Variants in BRD1 observed in about 807,000 individuals in gnomAD.
BRD1 encodes the protein bromodomain containing 1.
BRD1 carries 24 observed loss-of-function variants against 107.7 expected under a neutral mutation model. That is an observed-to-expected ratio of 0.22 (90% CI 0.16 to 0.31). BRD1 has a LOEUF of 0.31. Among genes scored for constraint, BRD1 ranks in the 10% least tolerant of loss-of-function variants. The pLI is 1.00. For missense variants in BRD1, 1,279 were observed against 1,638.6 expected (o/e 0.78, Z 3.79); for synonymous variants, 744 against 686.1 (o/e 1.08, Z -1.32).
At position 49,804,276 on chromosome 22, in the gene BRD1, C is replaced by G. The variant is rs749324269; in HGVS notation, c.1452G>C (p.Arg484=). Residue 484 remains arginine (R), a synonymous_variant, in exon 3 of 13, where the codon CGG becomes CGC. Coordinates refer to ENST00000404760, the MANE Select transcript of BRD1 (RefSeq NM_001304808.3). ...GCAGGGGGGCCCCGTTCCTGGACAG[C>G]CGCTTGAGCAGCCAGTAGCTGTGGG... is the stretch of plus-strand genomic sequence containing the variant. ...ERAHSYWLLK[R]LSRNGAPLLR... is the part of the protein sequence containing the mutation. 1 of 1,610,132 alleles carries G rather than the reference C, an allele frequency of 6.2e-7. No homozygotes were observed. Among genetic ancestry groups the G allele is most frequent in the Admixed American group, 1.7e-5 (1 of 59,480 alleles).
chr22:49,826,410 C>T, intron 1 of BRD1: 2 of 265,012 alleles, frequency 7.5e-6, no homozygotes, highest in Non-Finnish European at 1.2e-5. Context: ...ACCGCTTCCC[C>T]CCTGGGCCGG....
chr22:49,818,753 G>T (rs1034041424), intron 2 of BRD1, among the ~76,000 whole-genome samples: 2 of 151,962 alleles, frequency 1.3e-5, no homozygotes, highest in African/African-American at 4.8e-5. Context: ...AGGTGTGGTG[G>T]TGGGCGCCTG....
chr22:49,777,682 A>T lies in BRD1; in HGVS notation c.2989T>A (p.Ser997Thr). The part of the protein sequence containing the change: ...ISSSNSPLCD[S>T]SFNAPKCGRG... ...GCGCAGGGCCGCGGTGCCCACCTCG[A>T]GTCGCAGAGCGGGCTGTTGCTGGAG... The change falls in exon 9 of 13, where the codon TCG (serine) becomes ACG (threonine). Residue 997 changes from serine (S) to threonine (T), a missense_variant. By Grantham distance (58) the Ser-to-Thr change is moderately conservative. This residue lies in a region of BRD1 where 263 missense variants were observed against 251.6 expected (regional missense o/e 1.05). Coordinates refer to ENST00000404760, the MANE Select transcript of BRD1 (RefSeq NM_001304808.3). The T allele has an allele frequency of 6.2e-7, 1 of 1,606,378 alleles. No homozygotes were observed.
chr22:49,818,530 G>A (rs1367090953), intron 2 of BRD1: 9 of 322,852 alleles, frequency 2.8e-5, no homozygotes, highest in African/African-American at 4.5e-5. Flanking sequence ...CATGTTAAGG[G>A]AGCCCTAATT....
chr22:49,788,989 A>T (rs2059381429), intron 7 of BRD1, among the ~76,000 whole-genome samples: 1 of 152,236 alleles, frequency 6.6e-6, no homozygotes, highest in African/African-American at 2.4e-5. Flanking sequence ...CAGGACTCAG[A>T]GCAATGTTTT....
chr22:49,820,556 T>C (rs1219787911), intron 2 of BRD1, among the ~76,000 whole-genome samples: 2 of 152,138 alleles, frequency 1.3e-5, no homozygotes, highest in Non-Finnish European at 2.9e-5. Flanking sequence ...CTGTAAGCCA[T>C]GATCACGCCA....
intron 6 of BRD1, among the ~76,000 whole-genome samples, chr22:49,795,139 C>T (rs1379499985): frequency 1.3e-5 from 2 of 152,208 alleles, no homozygotes; most frequent in Non-Finnish European, 2.9e-5. Flanking sequence ...CTTCAAGACT[C>T]GTATCCATAA....
chr22:49,820,753 C>T (rs796419413), intron 2 of BRD1: 18 of 152,494 alleles, frequency 1.2e-4, no homozygotes, highest in African/African-American at 3.8e-4. Context: ...CACAGCAAGG[C>T]AGTAAACCCG....
At chr22:49,800,514 C>G (rs1177827934) in intron 3 of BRD1, among the ~76,000 whole-genome samples, 1 of 152,174 alleles carries the variant, frequency 6.6e-6, no homozygotes, top group African/African-American at 2.4e-5. Flanking sequence ...AAACCTCGGC[C>G]AAAAGGACAT....
Position 49,809,186 on chromosome 22 carries a change from A to C in BRD1, c.1368-4826T>G, listed in dbSNP as rs111778463. 1.2e-3 allele frequency among the ~76,000 whole-genome samples: 185 copies of C among 152,290 alleles called. 1 individual carries two copies. Among genetic ancestry groups the C allele is most frequent in the African/African-American group, 4.3e-3 (177 of 41,564 alleles). ...CAAATCCAAAATAGATCAGTAATCC[A>C]ACATAAGTCAACAGTCTAAAGTTGC... On this transcript the variant is annotated intron_variant, in intron 2 of 12. Coordinates refer to ENST00000404760, the MANE Select transcript of BRD1 (RefSeq NM_001304808.3).
intron 1 of BRD1, chr22:49,825,948 C>T (rs1331021631): frequency 6.5e-6 from 1 of 153,050 alleles, no homozygotes; most frequent in Non-Finnish European, 1.5e-5. Flanking sequence ...TCGGCCAAAC[C>T]TCAGACCCCC....
At chr22:49,802,846 G>C (rs2059667150) in intron 3 of BRD1, among the ~76,000 whole-genome samples, 1 of 152,250 alleles carries the variant, frequency 6.6e-6, no homozygotes, top group Admixed American at 6.5e-5. Context: ...GGAAAGCCAA[G>C]TCACATCATG....
intron 7 of BRD1, 118 bp from the exon 8 acceptor site, chr22:49,788,005 C>T (rs1173712625): frequency 6.8e-6 from 7 of 1,033,600 alleles, no homozygotes; most frequent in East Asian, 5.2e-5. Flanking sequence ...AACAAGGCAT[C>T]GCATGTACTG....
chr22:49,774,045 C>A lies in BRD1; in HGVS notation c.*188G>T. The A allele has an allele frequency of 1.4e-6, 1 of 734,272 alleles. No individual in the cohort carries two copies. Among genetic ancestry groups the A allele is most frequent in the Non-Finnish European group, 2.1e-6 (1 of 475,944 alleles). The allele number at this position is 734,272 out of a possible 1,614,324, so 45.5% of individuals were successfully genotyped here. On this transcript the variant is annotated 3_prime_UTR_variant, in exon 13 of 13. Transcript: ENST00000404760. ...ACGCACTGGGCTGCCCGGACGTGCCCACCCCACTCACAGCGCCCAGACGGA... is the reference window on the plus strand; with the variant it reads ...ACGCACTGGGCTGCCCGGACGTGCCAACCCCACTCACAGCGCCCAGACGGA...
rs755643978 is a variant in BRD1 at position 49,787,450 on chromosome 22, G to C, written c.2797C>G (p.Arg933Gly). 2.5e-5 allele frequency: 41 copies of C among 1,614,078 alleles called. No individual in the cohort carries two copies. Among genetic ancestry groups the C allele is most frequent in the Non-Finnish European group, 3.4e-5 (40 of 1,180,050 alleles). The change falls in exon 8 of 13, where the codon CGG (arginine) becomes GGG (glycine). Residue 933 changes from arginine (R) to glycine (G), a missense_variant. Around this residue, in one of 7 missense-constraint regions of BRD1, gnomAD observed 263 missense variants for 251.6 expected, o/e 1.05. Transcript: ENST00000404760. Reference sequence around the variant, plus strand: ...ACCTCGGAGTCTCCGCATGTGCTCCGCGACCTTTTCCTTGGCTGCAGAAGA... The same window carrying C: ...ACCTCGGAGTCTCCGCATGTGCTCCCCGACCTTTTCCTTGGCTGCAGAAGA... Reference protein sequence around the residue: ...ETLLQPRKRSRSTCGDSEVEE... With the variant: ...ETLLQPRKRSGSTCGDSEVEE...
intron 11 of BRD1, 129 bp from the exon 12 acceptor site, chr22:49,775,874 C>CCT: frequency 1.7e-6 from 2 of 1,195,290 alleles, no homozygotes; most frequent in Non-Finnish European, 2.3e-6. Context: ...CCCACGCCCC[C>CCT]CTCGCCGAAC....
chr22:49,818,153 T>C (rs2059990682), intron 2 of BRD1: 1 of 931,698 alleles, frequency 1.1e-6, no homozygotes, highest in Non-Finnish European at 1.3e-6. Flanking sequence ...GAGCACCCTA[T>C]CAGGGTGAAG....
chr22:49,791,327 T>G, intron 7 of BRD1, among the ~76,000 whole-genome samples: 1 of 152,232 alleles, frequency 6.6e-6, no homozygotes, highest in East Asian at 1.9e-4. Context: ...GGCATCTCCT[T>G]CCTTCAGACA....
At position 49,827,714 on chromosome 22, in the gene BRD1, T is replaced by G. The variant is rs1008422883; in HGVS notation, c.-232A>C. Among the ~76,000 whole-genome samples, 1 of 141,690 alleles carries G rather than the reference T, an allele frequency of 7.1e-6. No individual in the cohort carries two copies. The highest frequency in any genetic ancestry group is 2.6e-5 in the African/African-American group (1 of 39,072). The allele number at this position is 141,690 out of a possible 152,430, so 93.0% of individuals were successfully genotyped here. On this transcript the variant is annotated 5_prime_UTR_variant, in exon 1 of 13. Coordinates refer to ENST00000404760, the MANE Select transcript of BRD1 (RefSeq NM_001304808.3). The stretch of plus-strand genomic sequence containing the variant: ...GGGCAGCGGCTCGCGCGGCGCGGGC[T>G]CGGGCTCGGGGCCCAGCTGGAGGCC...
Sources: gnomAD v4.1 joint callset for allele counts (sites outside exome capture counted in the v4.1 genomes callset) on GRCh38, gnomAD v4.1.1 for gene constraint, gnomAD v4.1.1 regional missense constraint, MANE v1.5 for transcripts, NCBI Gene and HGNC (gene_info 2026-07-23, HGNC 2026-07-21) for gene names.